The following SRBD1 variants were observed in gnomAD, a reference collection of about 807,000 sequenced individuals.
The protein encoded by SRBD1 is S1 RNA-binding domain-containing protein 1.
Under a neutral mutation model 115.3 loss-of-function variants are expected in SRBD1, and 88 were observed. The ratio of observed to expected loss-of-function variants is 0.76; its 90% confidence interval spans 0.64 to 0.91. SRBD1 has a LOEUF of 0.91. SRBD1 is among the 40% of genes least tolerant of loss of function. The pLI, the probability that SRBD1 is intolerant of heterozygous loss-of-function variation, is 0.00. For synonymous variants in SRBD1, 509 were observed against 407.7 expected (o/e 1.25, Z -2.99); for missense variants, 1,385 against 1,177.4 (o/e 1.18, Z -2.58).
chr2:45,573,089 T>A, intron 9 of SRBD1, 118 bp downstream of exon 9: 1 of 1,154,562 alleles, frequency 8.7e-7, no homozygotes, highest in Non-Finnish European at 1.2e-6. Flanking sequence ...AGAATTTATA[T>A]AAAGAAAAAA....
chr2:45,493,826 AT>A (rs1328540054), intron 14 of SRBD1, among the ~76,000 whole-genome samples: 7 of 151,950 alleles, frequency 4.6e-5, no homozygotes, highest in African/African-American at 1.7e-4. Context: ...AAAAAAAAAA[AT>A]AAAATAAATT....
chr2:45,491,532 T>A (rs1473247482), intron 14 of SRBD1, among the ~76,000 whole-genome samples: 1 of 152,134 alleles, frequency 6.6e-6, no homozygotes, highest in Non-Finnish European at 1.5e-5. Context: ...GTTTAGACCT[T>A]CACCTAAACC....
intron 14 of SRBD1, among the ~76,000 whole-genome samples, chr2:45,527,562 T>C (rs948244231): frequency 7.0e-6 from 1 of 143,570 alleles, no homozygotes; most frequent in Non-Finnish European, 1.6e-5. Flanking sequence ...TAATTATTAT[T>C]ACACATTTTG....
chr2:45,466,754 C>A (rs562721185), intron 16 of SRBD1, among the ~76,000 whole-genome samples: 27 of 152,286 alleles, frequency 1.8e-4, no homozygotes, highest in Non-Finnish European at 3.2e-4. Context: ...TAGATACTGG[C>A]ATGTCCTAAT....
chr2:45,437,973 G>T (rs977356470), intron 16 of SRBD1, among the ~76,000 whole-genome samples: 1 of 152,010 alleles, frequency 6.6e-6, no homozygotes, highest in African/African-American at 2.4e-5. Context: ...TTATCTGTTT[G>T]TCTAAACCCA....
chr2:45,417,434 T>C (rs989178318), intron 18 of SRBD1, among the ~76,000 whole-genome samples: 3 of 152,208 alleles, frequency 2.0e-5, no homozygotes, highest in African/African-American at 7.2e-5. Context: ...CAGACCTTAT[T>C]CTGTGCTATT....
At chr2:45,573,440 T>A in intron 8 of SRBD1, 98 bp from the exon 9 acceptor site, 1 of 1,423,584 alleles carries the variant, frequency 7.0e-7, no homozygotes, top group Non-Finnish European at 9.2e-7. Context: ...AGTTAAGCCA[T>A]TACCAAGTGA....
rs534524095 is a variant in SRBD1 at position 45,581,615 on chromosome 2, T to C, written c.933+78A>G. The C allele has an allele frequency of 1.0e-5, 10 of 988,180 alleles. No individual in the cohort carries two copies. The Admixed American group carries it at 1.4e-4, about 14-fold the overall frequency. 61.2% of individuals were successfully genotyped at this position (988,180 alleles called of 1,614,324 possible). A position where few individuals can be genotyped will look rare whatever the true frequency, so the allele number is the denominator to read the frequency against. On this transcript the variant is annotated intron_variant, in intron 6 of 20. Transcript: ENST00000263736. ...CTAATGACGTTAGCTTTTTATTTCT[T>C]GGTGTTCTTTAATCATAAGAAGACC...
chr2:45,502,134 T>C (rs996644153), intron 14 of SRBD1, among the ~76,000 whole-genome samples: 1 of 152,124 alleles, frequency 6.6e-6, no homozygotes, highest in Non-Finnish European at 1.5e-5. Context: ...TGTTCAGCAA[T>C]ATTGGCTGTT....
At chr2:45,485,432 C>A (rs1670088569) in intron 15 of SRBD1, among the ~76,000 whole-genome samples, 1 of 152,154 alleles carries the variant, frequency 6.6e-6, no homozygotes, top group African/African-American at 2.4e-5. Flanking sequence ...TTTATGCTTT[C>A]ATTCTATCAT....
chr2:45,585,548 C>A, intron 5 of SRBD1, 60 bp downstream of exon 5: 3 of 1,524,910 alleles, frequency 2.0e-6, no homozygotes, highest in Non-Finnish European at 2.7e-6. Context: ...TTCACTTTCT[C>A]ACTGTTCCTC....
chr2:45,424,475 T>C (rs775614383), intron 16 of SRBD1, among the ~76,000 whole-genome samples: 3 of 152,170 alleles, frequency 2.0e-5, no homozygotes, highest in Non-Finnish European at 2.9e-5. Context: ...TCCTCATGTA[T>C]TCCAGACTGA....
At chr2:45,486,009 C>G (rs766830209) in intron 15 of SRBD1, among the ~76,000 whole-genome samples, 5 of 152,162 alleles carry the variant, frequency 3.3e-5, no homozygotes, top group Non-Finnish European at 7.4e-5. Flanking sequence ...AAGGAAGACA[C>G]AGATACTTAA....
chr2:45,607,790 G>A (rs55943449), intron 1 of SRBD1, among the ~76,000 whole-genome samples: 57,572 of 151,888 alleles, frequency 0.38, 11,873 homozygotes, highest in Non-Finnish European at 0.47. Context: ...TTTATTCTCT[G>A]GAGAAGGTAT....
chr2:45,485,940 A>T (rs1277034321), intron 15 of SRBD1, among the ~76,000 whole-genome samples: 1 of 152,208 alleles, frequency 6.6e-6, no homozygotes, highest in Non-Finnish European at 1.5e-5. Flanking sequence ...TAAAGACTCA[A>T]AGTTTCTAGG....
At chr2:45,570,214 A>G (rs1672964638) in intron 9 of SRBD1, among the ~76,000 whole-genome samples, 1 of 152,226 alleles carries the variant, frequency 6.6e-6, no homozygotes, top group African/African-American at 2.4e-5. Context: ...AGACTACAGA[A>G]TAAGTTTCAT....
At chr2:45,468,973 GAA>G (rs1558416028) in intron 16 of SRBD1, among the ~76,000 whole-genome samples, 4 of 152,140 alleles carry the variant, frequency 2.6e-5, no homozygotes, top group African/African-American at 9.7e-5. Context: ...GTAAGAGAGA[GAA>G]ATTTTTTCAT....
chr2:45,552,539 G>A (rs1167286593), intron 11 of SRBD1, among the ~76,000 whole-genome samples: 1 of 152,022 alleles, frequency 6.6e-6, no homozygotes, highest in Non-Finnish European at 1.5e-5. Context: ...CTAGACATAA[G>A]CAACATGAGA....
At chr2:45,416,884 T>C (rs937680079) in intron 18 of SRBD1, among the ~76,000 whole-genome samples, 2 of 152,172 alleles carry the variant, frequency 1.3e-5, no homozygotes, top group African/African-American at 4.8e-5. Context: ...GTTCAGGCAA[T>C]TCTCCTGTCT....
Sources: gnomAD v4.1 joint callset for allele counts (sites outside exome capture counted in the v4.1 genomes callset) on GRCh38, gnomAD v4.1.1 for gene constraint, MANE v1.5 for transcripts, NCBI Gene and HGNC (gene_info 2026-07-23, HGNC 2026-07-21) for gene names.